Variants in PARD3B observed in about 807,000 individuals in gnomAD.
PARD3B encodes par-3 family cell polarity regulator beta, also known as partitioning defective 3 homolog B.
In PARD3B, 103 loss-of-function variants were observed where a neutral mutation model predicts 130.2. The observed-to-expected ratio is 0.79, with a 90% CI of 0.67 to 0.93. The LOEUF (loss-of-function observed/expected upper bound fraction) is 0.93, where lower values mean the gene tolerates loss of function less well. Ranked by LOEUF, PARD3B falls within the 40% of genes least tolerant of loss-of-function variation. The probability of loss-of-function intolerance (pLI) is 0.00; values close to 1 mark genes in which losing one functional copy is unlikely to be tolerated. For synonymous variants in PARD3B, 583 were observed against 553.2 expected, an observed-to-expected ratio of 1.05 and a Z score of -0.76; for missense variants, 1,609 against 1,499.2, an observed-to-expected ratio of 1.07 and a Z score of -1.21.
rs941546194 is a variant in PARD3B at position 205,564,238 on chromosome 2, C to T, written c.3260+10835C>T. 1.3e-5 allele frequency among the ~76,000 whole-genome samples: 2 copies of T among 152,150 alleles called. No homozygotes were observed. The highest frequency in any genetic ancestry group is 2.1e-4 in the South Asian group (1 of 4,816). On this transcript the variant is annotated intron_variant, in intron 22 of 22. Coordinates refer to ENST00000406610, the MANE Select transcript of PARD3B (RefSeq NM_001302769.2). The surrounding 1 kb of genome is among the most constrained non-coding windows in gnomAD (Gnocchi z 4.6). Reference sequence around the variant, plus strand: ...GTAAACAGGTAGGAGAGACACATTACGTGACCATCCTTTCCTGAGGCAGCC... The same window carrying T: ...GTAAACAGGTAGGAGAGACACATTATGTGACCATCCTTTCCTGAGGCAGCC...
intron 2 of PARD3B, among the ~76,000 whole-genome samples, chr2:204,875,810 A>C (rs2045819699): frequency 6.6e-6 from 1 of 152,222 alleles, no homozygotes; most frequent in South Asian, 2.1e-4. Flanking sequence ...AGGCGGCCCT[A>C]AAAATCTTAC....
intron 2 of PARD3B, among the ~76,000 whole-genome samples, chr2:204,953,920 T>G (rs1282266681): frequency 1.3e-5 from 2 of 152,202 alleles, no homozygotes; most frequent in African/African-American, 4.8e-5. Context: ...AAAGACTGTC[T>G]ATGATTAGAG....
intron 20 of PARD3B, among the ~76,000 whole-genome samples, chr2:205,452,846 A>G (rs1303823896): frequency 2.0e-5 from 3 of 152,160 alleles, no homozygotes; most frequent in African/African-American, 7.2e-5. Context: ...ATCCATTTTC[A>G]AGGCCCCTTC....
chr2:205,150,255 A>ATGTGTG (rs1559487007), intron 10 of PARD3B, among the ~76,000 whole-genome samples: 1,642 of 142,210 alleles, frequency 0.012, 11 homozygotes, highest in Middle Eastern at 0.036. Flanking sequence ...GTGTGTGTGC[A>ATGTGTG]CACACGCTTG....
intron 2 of PARD3B, among the ~76,000 whole-genome samples, chr2:204,826,240 G>A (rs553865016): frequency 6.6e-6 from 1 of 152,162 alleles, no homozygotes; most frequent in Non-Finnish European, 1.5e-5. Flanking sequence ...AGGTTTCCAG[G>A]AGTTGTACCT....
intron 18 of PARD3B, among the ~76,000 whole-genome samples, chr2:205,368,161 C>G (rs144777554): frequency 2.2e-4 from 33 of 152,184 alleles, no homozygotes; most frequent in Middle Eastern, 3.4e-3. Flanking sequence ...AAATAGCATA[C>G]AATACTATAT....
At chr2:205,372,068 A>T (rs1485383465) in intron 18 of PARD3B, among the ~76,000 whole-genome samples, 1 of 152,104 alleles carries the variant, frequency 6.6e-6, no homozygotes, top group Admixed American at 6.6e-5. Flanking sequence ...CAGTTGATGG[A>T]CATTTGGGTG....
chr2:205,534,069 A>AAAG lies in PARD3B; in HGVS notation c.3181-19255_3181-19254insAAG, dbSNP rs1553538935. ...AGTGAAAAAGCCAAAAAAAAAAAAA[A>AAAG]GGGACAAGAAGAGACATGCATGTTT... On this transcript the variant is annotated intron_variant, in intron 21 of 22. Transcript: ENST00000406610. Among the ~76,000 whole-genome samples, 769 of 144,786 alleles carry AAAG rather than the reference A, an allele frequency of 5.3e-3. 10 individuals are homozygous for AAAG. The highest frequency in any genetic ancestry group is 0.021 in the African/African-American group (728 of 35,122). The allele number at this position is 144,786 out of a possible 152,430, so 95.0% of individuals were successfully genotyped here. A position where few individuals can be genotyped will look rare whatever the true frequency, so the allele number is the denominator to read the frequency against.
rs147356628 is a variant in PARD3B, at chr2:205,271,801, G to C, written c.2185+25979G>C. Among the ~76,000 whole-genome samples, 144 of 152,276 alleles carry C rather than the reference G, an allele frequency of 9.5e-4. 1 individual carries two copies. Among genetic ancestry groups the C allele is most frequent in the Non-Finnish European group, 1.6e-3 (111 of 68,016 alleles). On this transcript the variant is annotated intron_variant, in intron 16 of 22. Transcript: ENST00000406610. The stretch of plus-strand genomic sequence containing the variant: ...AAAAGAAAACATATCAGACTTAAAA[G>C]TTATTTAAATCTTAAATTAGCTACA...
At chr2:205,537,037 C>T (rs1211870302) in intron 21 of PARD3B, among the ~76,000 whole-genome samples, 2 of 152,106 alleles carry the variant, frequency 1.3e-5, no homozygotes, top group African/African-American at 4.8e-5. Flanking sequence ...TAAATTTTCA[C>T]TTTTCTTAAT....
At position 204,781,333 on chromosome 2, in the gene PARD3B, C is replaced by T. The variant is rs191213375; in HGVS notation, c.222+95051C>T. 4.2e-3 allele frequency among the ~76,000 whole-genome samples: 637 copies of T among 151,848 alleles called. 5 individuals carry two copies. Among genetic ancestry groups the T allele is most frequent in the Admixed American group, 0.015 (228 of 15,242 alleles). On this transcript the variant is annotated intron_variant, in intron 2 of 22. Coordinates refer to ENST00000406610, the MANE Select transcript of PARD3B (RefSeq NM_001302769.2). ...TAAGCAAAGTATCATAATATTGGCA[C>T]AAAAAAACATTAAGGTTCAACTTAA...
At position 205,460,248 on chromosome 2, in the gene PARD3B, C is replaced by T. The variant is rs73055937; in HGVS notation, c.3044+19576C>T. ...AATGCAGCTTTGAGGATATGCAGTT[C>T]GTAAATTTCCTACTGGGTCATTTTT... On this transcript the variant is annotated intron_variant, in intron 20 of 22. Transcript: ENST00000406610. The surrounding 1 kb of genome is among the most constrained non-coding windows in gnomAD (Gnocchi z 4.9). Among the ~76,000 whole-genome samples, 2,485 of 152,200 alleles carry T rather than the reference C, an allele frequency of 0.016. 66 individuals carry two copies. Among genetic ancestry groups the T allele is most frequent in the African/African-American group, 0.056 (2,314 of 41,514 alleles).
chr2:205,125,047 G>A lies in PARD3B; in HGVS notation c.1306-562G>A, dbSNP rs1174497608. Among the ~76,000 whole-genome samples the A allele has an allele frequency of 1.3e-5, 2 of 152,148 alleles. No individual in the cohort carries two copies. The highest frequency in any genetic ancestry group is 4.8e-5 in the African/African-American group (2 of 41,420). ...TATATATTGTCCATTTACCTTTGAA[G>A]CAAACATCTTCATTAAAAGCAACAC... On this transcript the variant is annotated intron_variant, in intron 9 of 22. Coordinates refer to ENST00000406610, the MANE Select transcript of PARD3B (RefSeq NM_001302769.2). The surrounding 1 kb of genome is among the most constrained non-coding windows in gnomAD (Gnocchi z 4.0).
chr2:205,247,626 A>G (rs2039626111), intron 16 of PARD3B, among the ~76,000 whole-genome samples: 1 of 152,154 alleles, frequency 6.6e-6, no homozygotes, highest in African/African-American at 2.4e-5. Context: ...AACATGCACT[A>G]TTTTTATATT....
chr2:205,543,651 CAA>C (rs748197089), intron 21 of PARD3B, among the ~76,000 whole-genome samples: 22 of 152,184 alleles, frequency 1.4e-4, no homozygotes, highest in Admixed American at 4.6e-4. Flanking sequence ...GACCCTTAGG[CAA>C]GTCTCTTGAT....
At chr2:204,641,484 C>G (rs1402264886) in intron 1 of PARD3B, among the ~76,000 whole-genome samples, 3 of 151,546 alleles carry the variant, frequency 2.0e-5, no homozygotes, top group Non-Finnish European at 4.4e-5. Context: ...AACTTTTGCA[C>G]CTAAATTAGT....
At chr2:205,553,434 C>T (rs1332997716) in intron 22 of PARD3B, 31 bp downstream of exon 22, 6 of 1,581,420 alleles carry the variant, frequency 3.8e-6, no homozygotes, top group Admixed American at 3.3e-5. Flanking sequence ...CCATCTCCAG[C>T]TCACCTACAA....
chr2:205,152,935 G>A lies in PARD3B; in HGVS notation c.1435-5787G>A, dbSNP rs189870042. Among the ~76,000 whole-genome samples the A allele has an allele frequency of 2.6e-3, 394 of 152,244 alleles. 2 individuals carry two copies. The highest frequency in any genetic ancestry group is 9.0e-3 in the African/African-American group (373 of 41,540). On this transcript the variant is annotated intron_variant, in intron 10 of 22. Transcript: ENST00000406610. Reference sequence around the variant, plus strand: ...TTTGATGATGGTGACCTACAGATGGGGTTTTGGTGTGGATGTCCTTTTTGT... The same window carrying A: ...TTTGATGATGGTGACCTACAGATGGAGTTTTGGTGTGGATGTCCTTTTTGT...
At chr2:205,450,157 G>A (rs2048046704) in intron 20 of PARD3B, among the ~76,000 whole-genome samples, 1 of 152,086 alleles carries the variant, frequency 6.6e-6, no homozygotes, top group Non-Finnish European at 1.5e-5. Context: ...CTATATTTAG[G>A]AAGATTATTG....
Sources: allele counts gnomAD v4.1 joint callset (sites outside exome capture counted in the v4.1 genomes callset), GRCh38; gene constraint gnomAD v4.1.1; non-coding constraint Gnocchi (gnomAD v3.1); transcripts MANE v1.5; gene names NCBI Gene and HGNC (gene_info 2026-07-23, HGNC 2026-07-21).